ABCG1: variants seen among roughly 807,000 people sequenced by gnomAD.
ABCG1 encodes ATP binding cassette subfamily G member 1, also known as ATP-binding cassette sub-family G member 1.
Under a neutral mutation model 69.2 loss-of-function variants are expected in ABCG1, and 29 were observed. That is an observed-to-expected ratio of 0.42 (90% CI 0.31 to 0.57). The LOEUF (loss-of-function observed/expected upper bound fraction) is 0.57, where lower values mean the gene tolerates loss of function less well. Ranked by LOEUF, ABCG1 falls within the 20% of genes least tolerant of loss-of-function variation. The pLI, the probability that ABCG1 is intolerant of heterozygous loss-of-function variation, is 0.15. For missense variants in ABCG1, 718 were observed against 898.1 expected, an observed-to-expected ratio of 0.80 and a Z score of 2.56; for synonymous variants, 370 against 374.8, an observed-to-expected ratio of 0.99 and a Z score of 0.15.
chr21:42,273,267 C>A lies in ABCG1; in HGVS notation c.405-36C>A, dbSNP rs756759052. Reference sequence around the variant, plus strand: ...CCGGGAGGTGGAGGAGGAGCAGGAGCCCGGCTGACGGCTTCTCCTGTCCTT... The same window carrying A: ...CCGGGAGGTGGAGGAGGAGCAGGAGACCGGCTGACGGCTTCTCCTGTCCTT... On this transcript the variant is annotated intron_variant, in intron 3 of 14. Coordinates refer to ENST00000398449, the MANE Select transcript of ABCG1 (RefSeq NM_016818.3). The surrounding 1 kb of genome is among the most constrained non-coding windows in gnomAD (Gnocchi z 5.3). The A allele has an allele frequency of 5.7e-6, 9 of 1,590,336 alleles. No individual in the cohort carries two copies. The highest frequency in any genetic ancestry group is 1.3e-5 in the African/African-American group (1 of 74,458).
At chr21:42,220,819 AAGG>A (rs1296458076) in intron 1 of ABCG1, among the ~76,000 whole-genome samples, 3 of 152,246 alleles carry the variant, frequency 2.0e-5, no homozygotes, top group Non-Finnish European at 4.4e-5. Context: ...ATGGAAAATT[AAGG>A]AGGTTATTGA....
chr21:42,217,778 G>A (rs191123512), upstream of ABCG1, among the ~76,000 whole-genome samples: 138 of 126,458 alleles, frequency 1.1e-3, 1 homozygote, highest in Non-Finnish European at 2.0e-3. Context: ...TGCAAGCTCC[G>A]CCTCCCAGGT....
At position 42,219,222 on chromosome 21, in the gene ABCG1, CCCGCCG is replaced by C. The variant is rs2234716; in HGVS notation, c.-14_-9del. The C allele has an allele frequency of 0.14, 204,592 of 1,472,354 alleles. 12,832 individuals carry two copies. Among genetic ancestry groups the C allele is most frequent in the East Asian group, 0.21 (7,647 of 35,810 alleles). The allele number at this position is 1,472,354 out of a possible 1,614,324, so 91.2% of individuals were successfully genotyped here. On this transcript the variant is annotated 5_prime_UTR_variant, in exon 1 of 15. Transcript: ENST00000398449. The surrounding 1 kb of genome is among the most constrained non-coding windows in gnomAD (Gnocchi z 5.3). ...TCGGCCCCGCAGCTCAAGCCTCGTCCCCGCCGCCGCCGCCGCCGCCGCCGCCGCCGC... is the reference window on the plus strand; with the variant it reads ...TCGGCCCCGCAGCTCAAGCCTCGTCCCCGCCGCCGCCGCCGCCGCCGCCGC...
intron 5 of ABCG1, among the ~76,000 whole-genome samples, chr21:42,279,507 G>A (rs777427418): frequency 2.6e-5 from 4 of 152,208 alleles, no homozygotes; most frequent in Non-Finnish European, 4.4e-5. Flanking sequence ...GCTGTGCCCC[G>A]AGCCGAGCTT....
chr21:42,244,036 G>T (rs1043122957), intron 2 of ABCG1, among the ~76,000 whole-genome samples: 1 of 151,996 alleles, frequency 6.6e-6, no homozygotes, highest in Admixed American at 6.5e-5. Flanking sequence ...AACCAGGATG[G>T]TCTCAATCTC....
chr21:42,199,814 T>C (rs1266450099), exon 1 of ABCG1: 1 of 152,214 alleles, frequency 6.6e-6, no homozygotes, highest in African/African-American at 2.4e-5. Context: ...TATATGTCAC[T>C]TCAGAGGGCA....
chr21:42,259,628 G>T, intron 2 of ABCG1: 1 of 1,437,790 alleles, frequency 7.0e-7, no homozygotes, highest in Non-Finnish European at 9.1e-7. Context: ...TCACTCATTT[G>T]ATAAAAACTG....
At chr21:42,271,259 T>G in intron 3 of ABCG1, 72 bp downstream of exon 3, 6 of 964,166 alleles carry the variant, frequency 6.2e-6, no homozygotes, top group Non-Finnish European at 9.0e-6. Context: ...GTGGAGCTCC[T>G]TCCATCAGCC....
At chr21:42,265,848 C>G (rs2068495108) in intron 2 of ABCG1, among the ~76,000 whole-genome samples, 1 of 152,210 alleles carries the variant, frequency 6.6e-6, no homozygotes, top group African/African-American at 2.4e-5. Flanking sequence ...CGGCCCTGGC[C>G]TCCCCCTTAG....
At chr21:42,216,291 C>T (rs543818244), upstream of ABCG1, 473 of 336,354 alleles carry the variant, frequency 1.4e-3, 6 homozygotes, top group Non-Finnish European at 4.2e-4. Flanking sequence ...TGGCTCCCCA[C>T]TGGAAATTAC....
At chr21:42,294,468 C>T (rs888520690) in intron 13 of ABCG1, 74 bp from the exon 14 acceptor site, 13 of 1,201,124 alleles carry the variant, frequency 1.1e-5, no homozygotes, top group African/African-American at 7.5e-5. Context: ...GGGAAGCTGG[C>T]GTGGGCGAGC....
At chr21:42,251,340 AC>A (rs2068217705) in intron 2 of ABCG1, among the ~76,000 whole-genome samples, 1 of 152,190 alleles carries the variant, frequency 6.6e-6, no homozygotes, top group Non-Finnish European at 1.5e-5. Context: ...CCCCAGCAGC[AC>A]CAGGTGGAAG....
upstream of ABCG1, among the ~76,000 whole-genome samples, chr21:42,214,443 A>G (rs2067618411): frequency 6.6e-6 from 1 of 152,360 alleles, no homozygotes; most frequent in East Asian, 1.9e-4. Flanking sequence ...GAATAGACTA[A>G]GACACACGTA....
chr21:42,233,046 C>T (rs1363347251), intron 2 of ABCG1, among the ~76,000 whole-genome samples: 1 of 152,206 alleles, frequency 6.6e-6, no homozygotes, highest in African/African-American at 2.4e-5. Flanking sequence ...CTCTCAAATA[C>T]AATGTACCCA....
Position 42,287,828 on chromosome 21 carries a change from T to G in ABCG1, c.974-61T>G. 6.1e-6 allele frequency: 9 copies of G among 1,472,556 alleles called. No homozygotes were observed. The highest frequency in any genetic ancestry group is 1.4e-5 in the African/African-American group (1 of 71,006). 91.2% of individuals were successfully genotyped at this position (1,472,556 alleles called of 1,614,324 possible). The stretch of plus-strand genomic sequence containing the variant: ...TCCCACTTGAATAACGACTTTCGCA[T>G]TTGGGTGGTTGGGGTGTCCTTCCTG... On this transcript the variant is annotated intron_variant, in intron 8 of 14. Transcript: ENST00000398449. This position sits in a 1 kb window ranked among gnomAD's most constrained non-coding sequence, Gnocchi z 6.2.
intron 1 of ABCG1, among the ~76,000 whole-genome samples, chr21:42,224,090 C>T (rs2067774402): frequency 6.6e-6 from 1 of 152,210 alleles, no homozygotes; most frequent in African/African-American, 2.4e-5. Context: ...TTGGGTAGAA[C>T]CCAGCGCGTT....
intron 13 of ABCG1, among the ~76,000 whole-genome samples, chr21:42,293,170 C>CGG: frequency 6.9e-6 from 1 of 145,566 alleles, no homozygotes; most frequent in African/African-American, 2.6e-5. Context: ...ACACCACACA[C>CGG]TACACACACA....
At position 42,230,952 on chromosome 21, in the gene ABCG1, C is replaced by T. The variant is rs80203339; in HGVS notation, c.286+5038C>T. On this transcript the variant is annotated intron_variant, in intron 2 of 14. Coordinates refer to ENST00000398449, the MANE Select transcript of ABCG1 (RefSeq NM_016818.3). The stretch of plus-strand genomic sequence containing the variant: ...TGTGGGATTTCAGGCCAAAAAGGAG[C>T]GTAGCAAGTGCTTAGCTCTGACGTG... Among the ~76,000 whole-genome samples, 16 of 152,302 alleles carry T rather than the reference C, an allele frequency of 1.1e-4. No homozygotes were observed. The East Asian group carries it at 1.3e-3, about 13-fold the overall frequency.
chr21:42,211,698 G>A (rs2067590840), upstream of ABCG1, among the ~76,000 whole-genome samples: 1 of 151,570 alleles, frequency 6.6e-6, no homozygotes, highest in South Asian at 2.1e-4. Flanking sequence ...TGGCCAACAT[G>A]GCGAAATCCT....
Sources: allele counts gnomAD v4.1 joint callset (sites outside exome capture counted in the v4.1 genomes callset), GRCh38; gene constraint gnomAD v4.1.1; non-coding constraint Gnocchi (gnomAD v3.1); transcripts MANE v1.5; gene names NCBI Gene and HGNC (gene_info 2026-07-23, HGNC 2026-07-21).